Variants in LTA4H observed in about 807,000 individuals in gnomAD.
LTA4H encodes the protein leukotriene A-4 hydrolase.
A neutral mutation model predicts 89.8 loss-of-function variants in LTA4H; 59 were observed. The observed-to-expected ratio is 0.66, with a 90% CI of 0.53 to 0.82. The LOEUF is 0.82. Ranked by LOEUF, LTA4H falls within the 40% of genes least tolerant of loss-of-function variation. The pLI is 0.00. For missense variants in LTA4H, 617 were observed against 727.0 expected (o/e 0.85, Z 1.74); for synonymous variants, 227 against 253.1 (o/e 0.90, Z 0.98).
chr12:96,014,749 A>G (rs1950351077), intron 12 of LTA4H, 106 bp downstream of exon 12: 1 of 1,058,880 alleles, frequency 9.4e-7, no homozygotes. Context: ...TACATCCAGA[A>G]TGAATTGGAA....
intron 1 of LTA4H, among the ~76,000 whole-genome samples, chr12:96,032,935 C>T (rs1395901897): frequency 6.6e-6 from 1 of 152,034 alleles, no homozygotes; most frequent in Admixed American, 6.6e-5. Flanking sequence ...GGGGAACACA[C>T]ACTGGGGCTT....
chr12:96,040,312 G>C (rs1566021719), upstream of LTA4H, among the ~76,000 whole-genome samples: 1 of 152,154 alleles, frequency 6.6e-6, no homozygotes, highest in Non-Finnish European at 1.5e-5. Flanking sequence ...TTCCTCTCCA[G>C]GTTATACATC....
intron 1 of LTA4H, among the ~76,000 whole-genome samples, chr12:96,040,905 G>T (rs1566021825): frequency 6.6e-6 from 1 of 152,114 alleles, no homozygotes; most frequent in East Asian, 1.9e-4. Flanking sequence ...CCACATTATC[G>T]TGGACAGATC....
At position 96,035,411 on chromosome 12, in the gene LTA4H, CG is replaced by C. The variant is rs1566019511; in HGVS notation, c.108del (p.Thr38LeufsTer25). On this transcript the variant is annotated frameshift_variant, in exon 1 of 19. Transcript: ENST00000228740. LOFTEE classifies it high-confidence loss of function. ...CSVDFTRRTL[T>X]GTAALTVQSQ... Reference sequence around the variant, plus strand: ...GACTGGACCGTGAGAGCAGCAGTCCCGGTCAGCGTCCGGCGAGTAAAGTCGA... The same window carrying C: ...GACTGGACCGTGAGAGCAGCAGTCCCGTCAGCGTCCGGCGAGTAAAGTCGA... 1.9e-6 allele frequency: 3 copies of C among 1,611,138 alleles called. No homozygotes were observed. The highest frequency in any genetic ancestry group is 2.5e-6 in the Non-Finnish European group (3 of 1,178,820).
rs948739827 is a variant in LTA4H at position 96,022,794 on chromosome 12, A to G, written c.481-543T>C. Among the ~76,000 whole-genome samples the G allele has an allele frequency of 2.0e-5, 3 of 152,158 alleles. No homozygotes were observed. Among genetic ancestry groups the G allele is most frequent in the African/African-American group, 7.2e-5 (3 of 41,426 alleles). On this transcript the variant is annotated intron_variant, in intron 4 of 18. Coordinates refer to ENST00000228740, the MANE Select transcript of LTA4H (RefSeq NM_000895.3). The surrounding 1 kb of genome is among the most constrained non-coding windows in gnomAD (Gnocchi z 4.0). Reference sequence around the variant, plus strand: ...GAAGAGCCCAGCACCATCCCTGGCAATGGCAGCCACCATCCCTGCTCCCGC... The same window carrying G: ...GAAGAGCCCAGCACCATCCCTGGCAGTGGCAGCCACCATCCCTGCTCCCGC...
At chr12:96,030,991 A>T (rs190329372) in intron 1 of LTA4H, among the ~76,000 whole-genome samples, 163 of 152,332 alleles carry the variant, frequency 1.1e-3, no homozygotes, top group Non-Finnish European at 1.1e-3. Context: ...TTTATAACAC[A>T]TGCTTATATA....
At position 96,035,530 on chromosome 12, in the gene LTA4H, G is replaced by GA. The variant is rs1378779171; in HGVS notation, c.-12dup. 11 of 1,598,486 alleles carry GA rather than the reference G, an allele frequency of 6.9e-6. No individual in the cohort carries two copies. The highest frequency in any genetic ancestry group is 4.5e-5 in the South Asian group (4 of 88,584). The stretch of plus-strand genomic sequence containing the variant: ...CACTATCTCGGGCATGGCTCTGGGG[G>GA]ATCACACAGCACAGCGACCTACAGC... On this transcript the variant is annotated 5_prime_UTR_variant, in exon 1 of 19. Transcript: ENST00000228740.
chr12:96,039,702 A>C (rs1381893116), upstream of LTA4H, among the ~76,000 whole-genome samples: 1 of 152,390 alleles, frequency 6.6e-6, no homozygotes, highest in Admixed American at 6.5e-5. Context: ...TGGCAACATT[A>C]GCAAAGATAT....
chr12:96,021,666 AACAC>A (rs60322768), intron 5 of LTA4H, among the ~76,000 whole-genome samples: 17,119 of 147,086 alleles, frequency 0.12, 2,265 homozygotes, highest in African/African-American at 0.33. Flanking sequence ...CAATTAAGAA[AACAC>A]ACACACACAC....
intron 10 of LTA4H, 53 bp downstream of exon 10, chr12:96,016,991 G>GA (rs34215398): frequency 4.0e-4 from 484 of 1,199,468 alleles, no homozygotes; most frequent in Non-Finnish European, 5.0e-4. Context: ...AGGAGGCAGG[G>GA]AAAAAAAAAT....
intron 7 of LTA4H, 88 bp downstream of exon 7, chr12:96,019,079 CG>C: frequency 7.9e-7 from 1 of 1,269,660 alleles, no homozygotes; most frequent in Non-Finnish European, 1.1e-6. Context: ...GTTCTTTCCC[CG>C]TATCACTTAA....
chr12:96,015,697 G>GAA lies in LTA4H; in HGVS notation c.948-5_948-4dup. On this transcript the variant is annotated splice_region_variant and splice_polypyrimidine_tract_variant and intron_variant, in intron 10 of 18. Coordinates refer to ENST00000228740, the MANE Select transcript of LTA4H (RefSeq NM_000895.3). ...ACACAGTATGTCCCTCATTTAACCT[G>GAA]AAAAAAAAATATTTTAATAAAAACA... 6 of 1,506,814 alleles carry GAA rather than the reference G, an allele frequency of 4.0e-6. No homozygotes were observed. The highest frequency in any genetic ancestry group is 5.5e-6 in the Non-Finnish European group (6 of 1,095,322). 93.3% of individuals were successfully genotyped at this position (1,506,814 alleles called of 1,614,324 possible).
At chr12:96,006,215 T>G (rs1341462167) in intron 16 of LTA4H, 99 bp downstream of exon 16, 1 of 621,634 alleles carries the variant, frequency 1.6e-6, no homozygotes, top group Non-Finnish European at 2.8e-6. Flanking sequence ...TTTTTCCCCA[T>G]TAGTTTCCAC....
intron 14 of LTA4H, chr12:96,011,111 A>G (rs2136876972): frequency 6.6e-6 from 1 of 152,326 alleles, no homozygotes; most frequent in South Asian, 2.1e-4. Flanking sequence ...CCAACGCCCA[A>G]AAAGGATCCC....
In LTA4H at chr12:96,003,844, C is replaced by A; in HGVS notation, c.1607G>T (p.Arg536Leu). The A allele has an allele frequency of 6.2e-7, 1 of 1,603,904 alleles. No homozygotes were observed. Among genetic ancestry groups the A allele is most frequent in the Non-Finnish European group, 8.5e-7 (1 of 1,173,638 alleles). ...NFNAINNSEI[R>L]FRWLRLCIQS... is the part of the protein sequence containing the mutation. ...ACAAGTTAAAATGATGTACCTGAAT[C>A]GTATTTCAGAATTGTTAATGGCATT... Residue 536 changes from arginine to leucine, a missense_variant, in exon 17 of 19, where the codon CGA (arginine) becomes CTA (leucine). Arg to Leu is a moderately radical substitution (Grantham distance 102). Transcript: ENST00000228740.
rs1950543964 is a variant in LTA4H, at chr12:96,029,115, C to A, written c.230G>T (p.Gly77Val). Residue 77 changes from glycine to valine, a missense_variant, in exon 2 of 19, where the codon GGA becomes GTA. Around this residue, in one of 3 missense-constraint regions of LTA4H, gnomAD observed 155 missense variants for 143.3 expected, o/e 1.08. Coordinates refer to ENST00000228740, the MANE Select transcript of LTA4H (RefSeq NM_000895.3). ...CGATCCCTTGTAACTTTGTCTTTCTCCAAGAGCATATTTGACTTCTTGTCC... is the reference window on the plus strand; with the variant it reads ...CGATCCCTTGTAACTTTGTCTTTCTACAAGAGCATATTTGACTTCTTGTCC... ...INGQEVKYAL[G>V]ERQSYKGSPM... The A allele has an allele frequency of 3.8e-6, 6 of 1,597,150 alleles. No individual in the cohort carries two copies. In the South Asian group the frequency reaches 6.8e-5, roughly 18 times the overall value.
upstream of LTA4H, among the ~76,000 whole-genome samples, chr12:96,039,193 TG>T (rs1168221200): frequency 6.6e-6 from 1 of 152,106 alleles, no homozygotes; most frequent in Non-Finnish European, 1.5e-5. Flanking sequence ...GAGTTCAGCC[TG>T]GGCAATGTGG....
rs374987362 is a variant in LTA4H at position 96,001,330 on chromosome 12, A to G, written c.1719-224T>C. On this transcript the variant is annotated intron_variant, in intron 18 of 18. Transcript: ENST00000228740. ...TAAGGCACCAGTCCCAGCCAATCAG[A>G]TGGGTATGGTCCTGCCACAGGGTCC... is the stretch of plus-strand genomic sequence containing the variant. Among the ~76,000 whole-genome samples, 88 of 152,284 alleles carry G rather than the reference A, an allele frequency of 5.8e-4. 1 individual carries two copies. Among genetic ancestry groups the G allele is most frequent in the African/African-American group, 2.0e-3 (83 of 41,552 alleles).
intron 1 of LTA4H, among the ~76,000 whole-genome samples, chr12:96,034,020 A>G (rs1307253116): frequency 7.9e-5 from 12 of 152,238 alleles, no homozygotes; most frequent in Non-Finnish European, 8.8e-5. Context: ...TTTTCAAATC[A>G]ATCAGTTTAG....
Sources: allele counts gnomAD v4.1 joint callset (sites outside exome capture counted in the v4.1 genomes callset), GRCh38; gene constraint gnomAD v4.1.1; regional missense constraint gnomAD v4.1.1; non-coding constraint Gnocchi (gnomAD v3.1); transcripts MANE v1.5; gene names NCBI Gene and HGNC (gene_info 2026-07-23, HGNC 2026-07-21).